The following CTNND2 variants were observed in gnomAD, a reference collection of about 807,000 sequenced individuals.
CTNND2 encodes the protein catenin delta-2.
CTNND2 carries 22 observed loss-of-function variants against 144.4 expected under a neutral mutation model. The ratio of observed to expected loss-of-function variants is 0.15; its 90% confidence interval spans 0.11 to 0.22. CTNND2 has a LOEUF of 0.22. Ranked by LOEUF, CTNND2 falls within the 10% of genes least tolerant of loss-of-function variation. The pLI, the probability that CTNND2 is intolerant of heterozygous loss-of-function variation, is 1.00. For missense variants in CTNND2, 1,353 were observed against 1,618.8 expected (o/e 0.84, Z 2.82); for synonymous variants, 751 against 695.6 (o/e 1.08, Z -1.25).
intron 7 of CTNND2, among the ~76,000 whole-genome samples, chr5:11,378,423 C>T (rs1196552699): frequency 1.3e-5 from 2 of 152,174 alleles, no homozygotes. Flanking sequence ...CAGTTGAGAG[C>T]AAGTCAGCCT....
chr5:11,742,633 A>C (rs1410596694), intron 1 of CTNND2, among the ~76,000 whole-genome samples: 1 of 152,214 alleles, frequency 6.6e-6, no homozygotes, highest in Non-Finnish European at 1.5e-5. Context: ...TACCCAAGTG[A>C]ATAATGAAAT....
At chr5:11,496,864 G>A (rs1392003423) in intron 3 of CTNND2, among the ~76,000 whole-genome samples, 8 of 152,046 alleles carry the variant, frequency 5.3e-5, no homozygotes. Context: ...CATAAAGCAG[G>A]ACTGGTGACA....
At position 11,853,314 on chromosome 5, in the gene CTNND2, T is replaced by C. The variant is rs539247286; in HGVS notation, c.37+50503A>G. On this transcript the variant is annotated intron_variant, in intron 1 of 21. Coordinates refer to ENST00000304623, the MANE Select transcript of CTNND2 (RefSeq NM_001332.4). ...TCCTGGGTCTTTGTGTTTGGCTTCATGAACAGCATTCTCTGCATGTTTTCT... is the reference window on the plus strand; with the variant it reads ...TCCTGGGTCTTTGTGTTTGGCTTCACGAACAGCATTCTCTGCATGTTTTCT... Among the ~76,000 whole-genome samples, 8 of 152,304 alleles carry C rather than the reference T, an allele frequency of 5.3e-5. No homozygotes were observed. The South Asian group carries it at 1.5e-3, about 28-fold the overall frequency.
At chr5:11,636,054 C>A (rs1781687045) in intron 2 of CTNND2, among the ~76,000 whole-genome samples, 1 of 130,832 alleles carries the variant, frequency 7.6e-6, no homozygotes, top group Non-Finnish European at 1.6e-5. Flanking sequence ...CACACACATT[C>A]ATGATTCTAC....
intron 14 of CTNND2, among the ~76,000 whole-genome samples, chr5:11,105,778 T>C (rs1473082744): frequency 6.6e-6 from 1 of 152,148 alleles, no homozygotes; most frequent in Admixed American, 6.5e-5. Flanking sequence ...ACAGCCGTGA[T>C]CTTTGCAGGC....
intron 2 of CTNND2, among the ~76,000 whole-genome samples, chr5:11,672,696 T>C (rs1381996254): frequency 6.6e-6 from 1 of 152,158 alleles, no homozygotes; most frequent in African/African-American, 2.4e-5. Flanking sequence ...CCAGTGGATC[T>C]TAGCTTGCTG....
intron 1 of CTNND2, among the ~76,000 whole-genome samples, chr5:11,896,876 G>T (rs1025932169): frequency 3.3e-5 from 5 of 151,928 alleles, no homozygotes; most frequent in Non-Finnish European, 5.9e-5. Context: ...TATTTCTTTG[G>T]CTAGAGGTGC....
chr5:11,092,005 C>T (rs141120109), intron 15 of CTNND2, among the ~76,000 whole-genome samples: 4 of 152,218 alleles, frequency 2.6e-5, no homozygotes, highest in Admixed American at 6.5e-5. Context: ...CCCGATTCCC[C>T]GATCCATCTC....
At chr5:11,461,218 T>G (rs1045363850) in intron 3 of CTNND2, among the ~76,000 whole-genome samples, 4 of 151,994 alleles carry the variant, frequency 2.6e-5, no homozygotes, top group African/African-American at 9.7e-5. Context: ...ACAAATGCCC[T>G]GAATAAACGT....
At chr5:11,207,253 G>A (rs565125515) in intron 10 of CTNND2, among the ~76,000 whole-genome samples, 8 of 152,112 alleles carry the variant, frequency 5.3e-5, no homozygotes, top group Non-Finnish European at 7.4e-5. Flanking sequence ...TGGGGCTTGC[G>A]GAGGGATAGC....
chr5:11,111,131 T>A, intron 13 of CTNND2, 88 bp from the exon 14 acceptor site: 1 of 1,366,038 alleles, frequency 7.3e-7, no homozygotes, highest in Non-Finnish European at 1.0e-6. Flanking sequence ...TCTTTCTCCA[T>A]GGACACATTT....
intron 2 of CTNND2, among the ~76,000 whole-genome samples, chr5:11,726,313 A>T (rs1447459955): frequency 6.6e-6 from 1 of 152,200 alleles, no homozygotes; most frequent in Non-Finnish European, 1.5e-5. Flanking sequence ...ATTAAATGAT[A>T]TGAAAAAATA....
intron 2 of CTNND2, among the ~76,000 whole-genome samples, chr5:11,624,388 G>A (rs924322630): frequency 1.3e-5 from 2 of 152,122 alleles, no homozygotes; most frequent in African/African-American, 2.4e-5. Context: ...CATGTGAAAT[G>A]TGAGTATCTC....
At chr5:11,510,448 T>C (rs1245062584) in intron 3 of CTNND2, among the ~76,000 whole-genome samples, 3 of 152,192 alleles carry the variant, frequency 2.0e-5, no homozygotes, top group Non-Finnish European at 1.5e-5. Flanking sequence ...TACAATGAGT[T>C]TGTCTAGGTA....
intron 3 of CTNND2, among the ~76,000 whole-genome samples, chr5:11,448,923 G>A (rs1389536908): frequency 1.3e-5 from 2 of 151,552 alleles, no homozygotes; most frequent in Non-Finnish European, 2.9e-5. Context: ...GGCTCGTCTT[G>A]AATTCTGGGG....
At chr5:11,281,103 C>CA (rs1345224565) in intron 9 of CTNND2, among the ~76,000 whole-genome samples, 12 of 152,114 alleles carry the variant, frequency 7.9e-5, no homozygotes, top group African/African-American at 2.7e-4. Context: ...TAGTGTATTG[C>CA]AAAAAATATT....
At chr5:11,785,932 G>C (rs1223016916) in intron 1 of CTNND2, among the ~76,000 whole-genome samples, 1 of 152,206 alleles carries the variant, frequency 6.6e-6, no homozygotes, top group Non-Finnish European at 1.5e-5. Flanking sequence ...TCAGCCTCTT[G>C]GGCTGGACAG....
At chr5:10,981,628 C>G (rs1393202729) in intron 21 of CTNND2, 145 bp downstream of exon 21, 2 of 727,434 alleles carry the variant, frequency 2.7e-6, no homozygotes, top group Non-Finnish European at 4.8e-6. Context: ...CACGCTGCAA[C>G]AGGCGTGAGG....
chr5:11,682,034 G>C (rs921294398), intron 2 of CTNND2, among the ~76,000 whole-genome samples: 3 of 152,200 alleles, frequency 2.0e-5, no homozygotes. Context: ...GTAAGTGCCT[G>C]CTTGTTTTTC....
Sources: allele counts gnomAD v4.1 joint callset (sites outside exome capture counted in the v4.1 genomes callset), GRCh38; gene constraint gnomAD v4.1.1; transcripts MANE v1.5; gene names NCBI Gene and HGNC (gene_info 2026-07-23, HGNC 2026-07-21).